Variants in NAF1 observed in about 807,000 individuals in gnomAD.
NAF1 encodes the protein H/ACA ribonucleoprotein complex non-core subunit NAF1.
Under a neutral mutation model 40.6 loss-of-function variants are expected in NAF1, and 11 were observed. The observed-to-expected ratio is 0.27, with a 90% confidence interval of 0.17 to 0.45. NAF1 has a LOEUF of 0.45. Ranked by LOEUF, NAF1 falls within the 20% of genes least tolerant of loss-of-function variation. The probability of loss-of-function intolerance (pLI) is 1.00; values close to 1 mark genes in which losing one functional copy is unlikely to be tolerated. For synonymous variants in NAF1, 260 were observed against 228.5 expected, an observed-to-expected ratio of 1.14 and a Z score of -1.24; for missense variants, 607 against 611.1, an observed-to-expected ratio of 0.99 and a Z score of 0.07.
chr4:163,162,909 T>C (rs1305315960), intron 2 of NAF1, among the ~76,000 whole-genome samples: 1 of 152,198 alleles, frequency 6.6e-6, no homozygotes, highest in East Asian at 1.9e-4. Flanking sequence ...GATCTTCTGA[T>C]GAAAACAGGG....
At chr4:163,106,270 A>T (rs1195634973), downstream of NAF1, among the ~76,000 whole-genome samples, 2 of 152,206 alleles carry the variant, frequency 1.3e-5, no homozygotes, top group African/African-American at 4.8e-5. Flanking sequence ...TGATTTTGTA[A>T]ATTAAAGTAT....
chr4:163,113,929 A>C (rs1222429145), intron 2 of NAF1, among the ~76,000 whole-genome samples: 1 of 152,188 alleles, frequency 6.6e-6, no homozygotes, highest in South Asian at 2.1e-4. Context: ...TCATCCTTAA[A>C]ATTCTATTGC....
At chr4:163,150,412 A>C (rs1285549094) in intron 2 of NAF1, among the ~76,000 whole-genome samples, 1 of 152,162 alleles carries the variant, frequency 6.6e-6, no homozygotes, top group Non-Finnish European at 1.5e-5. Flanking sequence ...AAATACCTTT[A>C]CTATGCAGAT....
At chr4:163,141,092 G>A (rs556209941) in intron 4 of NAF1, among the ~76,000 whole-genome samples, 295 of 152,312 alleles carry the variant, frequency 1.9e-3, no homozygotes, top group African/African-American at 6.9e-3. Flanking sequence ...CTGGCTGGGC[G>A]CAGTGGCTCA....
chr4:163,120,190 C>T (rs1375426416), intron 2 of NAF1, among the ~76,000 whole-genome samples: 3 of 152,080 alleles, frequency 2.0e-5, no homozygotes, highest in Non-Finnish European at 4.4e-5. Context: ...TGGGAGCACA[C>T]AATAAAACAC....
At chr4:163,110,243 C>T (rs1393664254) in exon 3 of NAF1, 2 of 700,658 alleles carry the variant, frequency 2.9e-6, no homozygotes, top group African/African-American at 3.5e-5. Context: ...CTCCCCTCAT[C>T]TGTGCTGTCA....
intron 7 of NAF1, among the ~76,000 whole-genome samples, chr4:163,130,815 A>G (rs1022025052): frequency 6.6e-5 from 10 of 152,270 alleles, no homozygotes; most frequent in Non-Finnish European, 1.5e-4. Flanking sequence ...ACCTCAATGT[A>G]AAATGCAGAA....
chr4:163,140,174 A>C, intron 5 of NAF1, 49 bp downstream of exon 5: 1 of 1,426,558 alleles, frequency 7.0e-7, no homozygotes, highest in Non-Finnish European at 9.4e-7. Flanking sequence ...TTATTCTTAA[A>C]ATATAAACGT....
chr4:163,158,587 T>A (rs1310595211), intron 2 of NAF1, among the ~76,000 whole-genome samples: 1 of 152,120 alleles, frequency 6.6e-6, no homozygotes, highest in Non-Finnish European at 1.5e-5. Flanking sequence ...TTGATATTTT[T>A]CTTTTTTAAA....
chr4:163,152,852 G>A (rs572784521), intron 2 of NAF1, among the ~76,000 whole-genome samples: 1 of 152,346 alleles, frequency 6.6e-6, no homozygotes, highest in South Asian at 2.1e-4. Context: ...GGAGGGAGAG[G>A]CGCGAGCGGG....
chr4:163,127,327 G>A (rs1419962191), downstream of NAF1, among the ~76,000 whole-genome samples: 1 of 151,910 alleles, frequency 6.6e-6, no homozygotes, highest in East Asian at 1.9e-4. Context: ...GCAGGGTTTC[G>A]TTATGTTGGC....
chr4:163,126,961 G>T (rs527806693), downstream of NAF1: 242 of 1,545,498 alleles, frequency 1.6e-4, no homozygotes, highest in African/African-American at 3.1e-3. Context: ...ATGCACATTG[G>T]TTTTTTTAGA....
At chr4:163,164,481 A>G (rs1732369474) in intron 1 of NAF1, 90 bp from the exon 2 acceptor site, 3 of 949,196 alleles carry the variant, frequency 3.2e-6, no homozygotes, top group Non-Finnish European at 4.4e-6. Flanking sequence ...ATCAACTTTA[A>G]TACAAGTTTA....
At chr4:163,162,454 C>T (rs1450196048) in intron 2 of NAF1, among the ~76,000 whole-genome samples, 1 of 152,190 alleles carries the variant, frequency 6.6e-6, no homozygotes, top group African/African-American at 2.4e-5. Flanking sequence ...CCATCATTCC[C>T]AAAGATCCAT....
chr4:163,164,525 G>A, intron 1 of NAF1, 134 bp from the exon 2 acceptor site: 8 of 668,364 alleles, frequency 1.2e-5, no homozygotes, highest in Non-Finnish European at 1.8e-5. Context: ...ATAAGATTAT[G>A]CAATTAAGAA....
chr4:163,145,818 A>G lies in NAF1; in HGVS notation c.681T>C (p.Thr227=), dbSNP rs1262679238. ...CTTGTCGATCACTTTTAAAAATTAC[A>G]GTCTCCTCATTAACTGGAGGTAGGT... The part of the protein sequence containing the change: ...MTNLPPVNEE[T]VIFKSDRQAA... Residue 227 remains threonine, a synonymous_variant, in exon 4 of 8, where the codon ACT becomes ACC. Coordinates refer to ENST00000274054, the MANE Select transcript of NAF1 (RefSeq NM_138386.3). 3.1e-6 allele frequency: 5 copies of G among 1,589,874 alleles called. No homozygotes were observed. Among genetic ancestry groups the G allele is most frequent in the Admixed American group, 1.7e-5 (1 of 59,016 alleles).
At chr4:163,133,013 C>CG in intron 7 of NAF1, 141 bp downstream of exon 7, 1 of 653,096 alleles carries the variant, frequency 1.5e-6, no homozygotes, top group Non-Finnish European at 2.5e-6. Flanking sequence ...ACACCTCCTG[C>CG]TATGTAATGG....
chr4:163,113,556 T>TC (rs1020141574), intron 2 of NAF1, among the ~76,000 whole-genome samples: 1 of 152,018 alleles, frequency 6.6e-6, no homozygotes, highest in African/African-American at 2.4e-5. Context: ...GGATCAGACT[T>TC]CAAGCTTGGT....
chr4:163,144,044 GAA>G, intron 4 of NAF1: 6 of 974,870 alleles, frequency 6.2e-6, no homozygotes, highest in Non-Finnish European at 7.3e-6. Context: ...GAGTCCTCTA[GAA>G]AATCATCACA....
Sources: allele counts gnomAD v4.1 joint callset (sites outside exome capture counted in the v4.1 genomes callset), GRCh38; gene constraint gnomAD v4.1.1; transcripts MANE v1.5; gene names NCBI Gene and HGNC (gene_info 2026-07-23, HGNC 2026-07-21).